The following GALNTL6 variants were observed in gnomAD, a reference collection of about 807,000 sequenced individuals.
GALNTL6 encodes polypeptide N-acetylgalactosaminyltransferase like 6.
GALNTL6 carries 46 observed loss-of-function variants against 73.7 expected under a neutral mutation model. That is an observed-to-expected ratio of 0.62 (90% CI 0.49 to 0.80). GALNTL6 has a LOEUF of 0.80. Among genes scored for constraint, GALNTL6 ranks in the 30% least tolerant of loss-of-function variants. GALNTL6 has a pLI of 0.00. For missense variants in GALNTL6, 604 were observed against 755.0 expected (o/e 0.80, Z 2.34); for synonymous variants, 259 against 263.7 (o/e 0.98, Z 0.17).
At chr4:172,600,914 G>A (rs1445918954) in intron 5 of GALNTL6, among the ~76,000 whole-genome samples, 1 of 151,784 alleles carries the variant, frequency 6.6e-6, no homozygotes, top group Non-Finnish European at 1.5e-5. Context: ...CATATCTAGT[G>A]TCCAATAAAA....
intron 5 of GALNTL6, among the ~76,000 whole-genome samples, chr4:172,682,856 A>T (rs1188482682): frequency 2.0e-5 from 3 of 152,052 alleles, no homozygotes; most frequent in Non-Finnish European, 4.4e-5. Flanking sequence ...AGGGGAAAAA[A>T]ATTAGAAAAA....
intron 5 of GALNTL6, among the ~76,000 whole-genome samples, chr4:172,367,930 C>T (rs1742629209): frequency 6.6e-6 from 1 of 152,114 alleles, no homozygotes; most frequent in Non-Finnish European, 1.5e-5. Flanking sequence ...ACCCATAATG[C>T]TCCACAAAAT....
chr4:172,760,527 C>A (rs1315740061), intron 5 of GALNTL6, among the ~76,000 whole-genome samples: 1 of 152,198 alleles, frequency 6.6e-6, no homozygotes, highest in African/African-American at 2.4e-5. Context: ...GCTGTGATGA[C>A]CTCTTTTCTG....
intron 2 of GALNTL6, among the ~76,000 whole-genome samples, chr4:172,150,114 A>G (rs1734037987): frequency 6.6e-6 from 1 of 152,028 alleles, no homozygotes; most frequent in Non-Finnish European, 1.5e-5. Flanking sequence ...GCATCTCCTC[A>G]TTTCTGTCAA....
At chr4:171,816,515 A>G (rs1051925571) in intron 2 of GALNTL6, among the ~76,000 whole-genome samples, 26 of 152,180 alleles carry the variant, frequency 1.7e-4, no homozygotes, top group African/African-American at 6.3e-4. Flanking sequence ...GAATTTTCGT[A>G]TACTGTAGAA....
intron 2 of GALNTL6, among the ~76,000 whole-genome samples, chr4:171,950,482 CTTTTTT>C (rs149650644): frequency 7.1e-6 from 1 of 141,434 alleles, no homozygotes; most frequent in Non-Finnish European, 1.5e-5. Flanking sequence ...CTTTTCTTTT[CTTTTTT>C]TTTTTTTTTT....
intron 2 of GALNTL6, among the ~76,000 whole-genome samples, chr4:171,970,860 G>A (rs113421440): frequency 3.6e-4 from 55 of 152,162 alleles, no homozygotes; most frequent in East Asian, 1.5e-3. Context: ...AAAAAGTTTC[G>A]GAGCTAATGA....
At chr4:172,020,032 A>G (rs1292645082) in intron 2 of GALNTL6, among the ~76,000 whole-genome samples, 1 of 152,152 alleles carries the variant, frequency 6.6e-6, no homozygotes, top group Non-Finnish European at 1.5e-5. Context: ...CTATGCAAAC[A>G]CATAGAAATT....
chr4:172,838,646 A>C (rs1743041928), intron 7 of GALNTL6, among the ~76,000 whole-genome samples: 1 of 152,210 alleles, frequency 6.6e-6, no homozygotes, highest in African/African-American at 2.4e-5. Flanking sequence ...GAAACGAAAC[A>C]GGTGCAAATT....
intron 8 of GALNTL6, among the ~76,000 whole-genome samples, chr4:172,930,069 G>A (rs1407450514): frequency 6.6e-6 from 1 of 152,182 alleles, no homozygotes; most frequent in African/African-American, 2.4e-5. Flanking sequence ...CTGAGGTCAG[G>A]AGTTCAAGAC....
At chr4:172,584,310 CA>C (rs1160108446) in intron 5 of GALNTL6, among the ~76,000 whole-genome samples, 1 of 151,850 alleles carries the variant, frequency 6.6e-6, no homozygotes. Context: ...AAGGTCTGAG[CA>C]AAATTACATG....
At position 172,220,401 on chromosome 4, in the gene GALNTL6, T is replaced by C. The variant is rs375123906; in HGVS notation, c.139-9255T>C. The stretch of plus-strand genomic sequence containing the variant: ...CAGGAGCAGGCATTCAATAAATACA[T>C]GTTGAGTGGGCAGCCGAATGGTGGA... On this transcript the variant is annotated intron_variant, in intron 2 of 12. Transcript: ENST00000506823. Among the ~76,000 whole-genome samples the C allele has an allele frequency of 7.2e-5, 11 of 151,868 alleles. No homozygotes were observed. In the East Asian group the frequency reaches 1.4e-3, roughly 19 times the overall value.
At chr4:172,014,804 G>A (rs768032167) in intron 2 of GALNTL6, among the ~76,000 whole-genome samples, 2 of 151,944 alleles carry the variant, frequency 1.3e-5, no homozygotes, top group African/African-American at 4.8e-5. Flanking sequence ...TTTCATTGTT[G>A]ACCCAAAGAT....
intron 5 of GALNTL6, among the ~76,000 whole-genome samples, chr4:172,776,926 T>C (rs1739106858): frequency 6.6e-6 from 1 of 152,206 alleles, no homozygotes; most frequent in African/African-American, 2.4e-5. Flanking sequence ...GCATTTCTAC[T>C]ATAGTGGATT....
At chr4:172,630,462 G>A (rs1454731899) in intron 5 of GALNTL6, among the ~76,000 whole-genome samples, 1 of 151,982 alleles carries the variant, frequency 6.6e-6, no homozygotes, top group Non-Finnish European at 1.5e-5. Context: ...GGCAGTATCG[G>A]CAAGCTGATA....
intron 3 of GALNTL6, among the ~76,000 whole-genome samples, chr4:172,281,579 T>C (rs1483978664): frequency 6.6e-6 from 1 of 151,802 alleles, no homozygotes; most frequent in African/African-American, 2.4e-5. Context: ...GGCATTGTGG[T>C]GCACGCCTGT....
intron 5 of GALNTL6, among the ~76,000 whole-genome samples, chr4:172,580,607 T>A (rs1172575346): frequency 6.6e-6 from 1 of 152,206 alleles, no homozygotes; most frequent in African/African-American, 2.4e-5. Context: ...TTAGGAATTT[T>A]CATGGAAGAG....
chr4:173,015,260 G>T (rs2126504667), intron 11 of GALNTL6, among the ~76,000 whole-genome samples: 1 of 152,294 alleles, frequency 6.6e-6, no homozygotes, highest in Non-Finnish European at 1.5e-5. Flanking sequence ...AATTGATACT[G>T]GTAGGGTAGG....
intron 3 of GALNTL6, among the ~76,000 whole-genome samples, chr4:172,282,893 G>A (rs1003345741): frequency 3.3e-5 from 5 of 152,134 alleles, no homozygotes; most frequent in Admixed American, 2.0e-4. Flanking sequence ...CTCTGGCTGA[G>A]CGATTTGGTG....
Sources: allele counts gnomAD v4.1 joint callset (sites outside exome capture counted in the v4.1 genomes callset), GRCh38; gene constraint gnomAD v4.1.1; transcripts MANE v1.5; gene names NCBI Gene and HGNC (gene_info 2026-07-23, HGNC 2026-07-21).